GAR1: variants seen among roughly 807,000 people sequenced by gnomAD.
The protein encoded by GAR1 is H/ACA ribonucleoprotein complex subunit 1.
In GAR1, 11 loss-of-function variants were observed where a neutral mutation model predicts 29.3. That is an observed-to-expected ratio of 0.38 (90% CI 0.24 to 0.62). GAR1 has a LOEUF of 0.62. GAR1 is among the 20% of genes least tolerant of loss of function. The pLI is 0.62. For missense variants in GAR1, 237 were observed against 268.4 expected (o/e 0.88, Z 0.82); for synonymous variants, 87 against 93.3 (o/e 0.93, Z 0.39).
chr4:109,817,881 G>T, intron 2 of GAR1, 55 bp from the exon 3 acceptor site: 1 of 1,425,106 alleles, frequency 7.0e-7, no homozygotes, highest in Non-Finnish European at 9.7e-7. Flanking sequence ...AGAAGCAGTT[G>T]GTCAGTATCG....
At chr4:109,817,064 TCTAA>T (rs1222519048) in intron 2 of GAR1, among the ~76,000 whole-genome samples, 83 of 152,136 alleles carry the variant, frequency 5.5e-4, no homozygotes, top group Admixed American at 5.0e-3. Flanking sequence ...GTGAGTAGTG[TCTAA>T]CTAAGAATGG....
At chr4:109,819,243 C>G in intron 4 of GAR1, 183 bp downstream of exon 4, 1 of 599,234 alleles carries the variant, frequency 1.7e-6, no homozygotes, top group Non-Finnish European at 3.0e-6. Context: ...TTTGATACAG[C>G]CTTTAGAAAG....
At chr4:109,818,806 C>T (rs1022350615) in intron 3 of GAR1, among the ~76,000 whole-genome samples, 195 bp from the exon 4 acceptor site, 2 of 152,006 alleles carry the variant, frequency 1.3e-5, no homozygotes, top group Admixed American at 6.6e-5. Flanking sequence ...CTCAAGTGAT[C>T]CATCCGCCTT....
chr4:109,823,515 TTAAC>T (rs1733573920), intron 5 of GAR1, among the ~76,000 whole-genome samples: 1 of 152,164 alleles, frequency 6.6e-6, no homozygotes, highest in Admixed American at 6.5e-5. Context: ...TCAGTTAATC[TTAAC>T]TATCATATTT....
At chr4:109,816,039 G>A in intron 1 of GAR1, 114 bp from the exon 2 acceptor site, 1 of 988,106 alleles carries the variant, frequency 1.0e-6, no homozygotes, top group Non-Finnish European at 1.6e-6. Flanking sequence ...CCGTGGGTGA[G>A]GTGACAGGGC....
chr4:109,823,788 T>C (rs1733579840), intron 5 of GAR1, among the ~76,000 whole-genome samples, 177 bp from the exon 6 acceptor site: 1 of 152,178 alleles, frequency 6.6e-6, no homozygotes, highest in South Asian at 2.1e-4. Flanking sequence ...TTTTATCTTC[T>C]AAAATTTTTT....
intron 1 of GAR1, 160 bp from the exon 2 acceptor site, chr4:109,815,993 C>T (rs1013061735): frequency 1.4e-6 from 1 of 726,746 alleles, no homozygotes; most frequent in Non-Finnish European, 2.4e-6. Flanking sequence ...GAAGTAAACT[C>T]TTCACCCATC....
At chr4:109,816,500 G>A in intron 2 of GAR1, 122 bp downstream of exon 2, 1 of 934,034 alleles carries the variant, frequency 1.1e-6, no homozygotes, top group Middle Eastern at 3.0e-4. Flanking sequence ...TAAGGGTGGA[G>A]TGGGGAGATC....
intron 5 of GAR1, 32 bp from the exon 6 acceptor site, chr4:109,823,933 C>T (rs184670342): frequency 2.2e-6 from 3 of 1,355,164 alleles, no homozygotes; most frequent in East Asian, 2.3e-5. Flanking sequence ...TATTTAAATA[C>T]TTTGCGTTAT....
chr4:109,824,068 G>T (rs1733589259), intron 6 of GAR1, 35 bp downstream of exon 6: 1 of 1,333,930 alleles, frequency 7.5e-7, no homozygotes, highest in Non-Finnish European at 1.1e-6. Context: ...ATTGCTTAAT[G>T]TTTAAAATTG....
intron 2 of GAR1, 108 bp downstream of exon 2, chr4:109,816,486 C>A (rs1733356785): frequency 9.5e-7 from 1 of 1,052,982 alleles, no homozygotes; most frequent in Non-Finnish European, 1.4e-6. Flanking sequence ...GAGAATGTAG[C>A]ATGTAAGGGT....
chr4:109,818,831 C>CT (rs1363198622), intron 3 of GAR1, among the ~76,000 whole-genome samples, 170 bp from the exon 4 acceptor site: 1 of 152,106 alleles, frequency 6.6e-6, no homozygotes, highest in Non-Finnish European at 1.5e-5. Flanking sequence ...CCCCGAAGTG[C>CT]TGGGTTTGCA....
In GAR1 at chr4:109,816,172, T is replaced by G. The variant is rs1368625433; in HGVS notation, c.8T>G (p.Phe3Cys). ...CATCAGGGAGGAGAGAGAATGTCTTTTCGAGGCGGAGGTCGTGGAGGCTTT... is the reference window on the plus strand; with the variant it reads ...CATCAGGGAGGAGAGAGAATGTCTTGTCGAGGCGGAGGTCGTGGAGGCTTT... Reference protein sequence around the residue: MSFRGGGRGGFNR... With the variant: MSCRGGGRGGFNR... The change falls in exon 2 of 7, where the codon TTT becomes TGT. Residue 3 changes from phenylalanine to cysteine, a missense_variant. Coordinates refer to ENST00000226796, the MANE Select transcript of GAR1 (RefSeq NM_018983.4). 1 of 1,612,288 alleles carries G rather than the reference T, an allele frequency of 6.2e-7. No individual in the cohort carries two copies. Among genetic ancestry groups the G allele is most frequent in the Admixed American group, 1.7e-5 (1 of 60,008 alleles).
intron 4 of GAR1, among the ~76,000 whole-genome samples, chr4:109,820,937 A>C (rs1036251973): frequency 2.0e-5 from 3 of 152,192 alleles, no homozygotes; most frequent in African/African-American, 7.2e-5. Flanking sequence ...GGTAATAGCC[A>C]CTTAAATTCA....
chr4:109,824,233 A>G (rs1560581426), intron 6 of GAR1, among the ~76,000 whole-genome samples, 185 bp from the exon 7 acceptor site: 2 of 151,522 alleles, frequency 1.3e-5, no homozygotes, highest in African/African-American at 2.4e-5. Context: ...ACCTAATTCT[A>G]ATTTGTTTTG....
At chr4:109,822,933 C>T (rs73838885) in intron 5 of GAR1, among the ~76,000 whole-genome samples, 4,962 of 152,190 alleles carry the variant, frequency 0.033, 238 homozygotes, top group African/African-American at 0.11. Context: ...AATTAATTTG[C>T]CCCAATCAAA....
At position 109,824,020 on chromosome 4, in the gene GAR1, T is replaced by C; in HGVS notation, c.627T>C (p.Gly209=). 1 of 1,604,212 alleles carries C rather than the reference T, an allele frequency of 6.2e-7. No homozygotes were observed. Among genetic ancestry groups the C allele is most frequent in the Non-Finnish European group, 8.5e-7 (1 of 1,172,246 alleles). Residue 209 remains glycine, a synonymous_variant, in exon 6 of 7, where the codon GGT becomes GGC. Transcript: ENST00000226796. The part of the protein sequence containing the change: ...GGGGGFRGGR[G]GGFRGRGH ...GTGGGGGCTTCAGAGGAGGAAGAGG[T>C]GGTGGTTTCAGAGGTGAGTATTTTA...
rs1200130263 is a variant in GAR1, at chr4:109,816,361, C to T, written c.197C>T (p.Pro66Leu). 3 of 1,613,702 alleles carry T rather than the reference C, an allele frequency of 1.9e-6. No homozygotes were observed. The African/African-American group carries it at 4.0e-5, about 22-fold the overall frequency. The change falls in exon 2 of 7, where the codon CCT becomes CTT. Residue 66 changes from proline to leucine, a missense_variant. By Grantham distance (98) the Pro-to-Leu change is moderately conservative (BLOSUM62 -3). Coordinates refer to ENST00000226796, the MANE Select transcript of GAR1 (RefSeq NM_018983.4). ...GGFNKGQDQG[P>L]PERVVLLGEF... Reference sequence around the variant, plus strand: ...TTTAACAAAGGCCAAGACCAAGGACCTCCAGAACGTGTAGTCTGTATGCAG... The same window carrying T: ...TTTAACAAAGGCCAAGACCAAGGACTTCCAGAACGTGTAGTCTGTATGCAG...
chr4:109,818,640 C>T (rs1326747951), intron 3 of GAR1, among the ~76,000 whole-genome samples: 1 of 147,156 alleles, frequency 6.8e-6, no homozygotes, highest in Non-Finnish European at 1.5e-5. Context: ...TCTCATCTCA[C>T]TACAACCTCC....
Sources: allele counts gnomAD v4.1 joint callset (sites outside exome capture counted in the v4.1 genomes callset), GRCh38; gene constraint gnomAD v4.1.1; transcripts MANE v1.5; gene names NCBI Gene and HGNC (gene_info 2026-07-23, HGNC 2026-07-21).